PAMR1: variants seen among roughly 807,000 people sequenced by gnomAD.
PAMR1 encodes the protein peptidase domain containing associated with muscle regeneration 1.
In PAMR1, 88 loss-of-function variants were observed where a neutral mutation model predicts 81.8. The ratio of observed to expected loss-of-function variants is 1.08; its 90% CI spans 0.91 to 1.28. PAMR1 has a LOEUF of 1.28. Ranked by LOEUF, PAMR1 falls within the 50% of genes most tolerant of loss-of-function variation. PAMR1 has a pLI of 0.00. For missense variants in PAMR1, 935 were observed against 919.7 expected, an observed-to-expected ratio of 1.02 and a Z score of -0.21; for synonymous variants, 336 against 345.3, an observed-to-expected ratio of 0.97 and a Z score of 0.30.
intron 4 of PAMR1, 66 bp from the exon 5 acceptor site, chr11:35,470,884 CATTCA>C: frequency 9.3e-7 from 1 of 1,080,108 alleles, no homozygotes; most frequent in Non-Finnish European, 1.4e-6. Context: ...CCGCTGGGCT[CATTCA>C]AGGCCAGATG....
chr11:35,450,567 A>G (rs1856394734), intron 6 of PAMR1, among the ~76,000 whole-genome samples: 1 of 152,202 alleles, frequency 6.6e-6, no homozygotes, highest in Non-Finnish European at 1.5e-5. Flanking sequence ...TGCTTCACTG[A>G]TGGTGGTAGC....
chr11:35,445,952 C>T (rs1394922916), intron 6 of PAMR1, among the ~76,000 whole-genome samples: 1 of 152,144 alleles, frequency 6.6e-6, no homozygotes, highest in East Asian at 1.9e-4. Context: ...GCCATAAATC[C>T]ATCTGGTCCT....
At chr11:35,487,634 C>T (rs564243048) in intron 3 of PAMR1, among the ~76,000 whole-genome samples, 1 of 152,322 alleles carries the variant, frequency 6.6e-6, no homozygotes, top group African/African-American at 2.4e-5. Flanking sequence ...CAAGTGGCTG[C>T]CCCAAACCTT....
intron 1 of PAMR1, among the ~76,000 whole-genome samples, chr11:35,506,412 TG>T (rs1850955707): frequency 1.2e-5 from 1 of 85,350 alleles, no homozygotes. Context: ...TGCATGTTAG[TG>T]TTTTTTTTTT....
chr11:35,471,586 T>C (rs975985247), intron 4 of PAMR1, among the ~76,000 whole-genome samples: 1 of 152,030 alleles, frequency 6.6e-6, no homozygotes, highest in Non-Finnish European at 1.5e-5. Context: ...TAGGCAACGA[T>C]AATTCTCACC....
At position 35,495,076 on chromosome 11, in the gene PAMR1, A is replaced by G. The variant is rs1021471081; in HGVS notation, c.74-804T>C. ...ACTGCAGCCCAGGCATGTGGCCATC[A>G]GAAAATTTGGAGACCAGTCTCCACA... On this transcript the variant is annotated intron_variant, in intron 1 of 10. Coordinates refer to ENST00000619888, the MANE Select transcript of PAMR1 (RefSeq NM_001001991.3). Among the ~76,000 whole-genome samples the G allele has an allele frequency of 7.9e-5, 12 of 152,230 alleles. 1 individual carries two copies. Among genetic ancestry groups the G allele is most frequent in the Admixed American group, 2.6e-4 (4 of 15,282 alleles).
At chr11:35,488,064 A>G (rs1216655371) in intron 3 of PAMR1, among the ~76,000 whole-genome samples, 1 of 152,178 alleles carries the variant, frequency 6.6e-6, no homozygotes, top group Non-Finnish European at 1.5e-5. Context: ...TTGATCTCAT[A>G]GGAAGTTCTT....
Position 35,468,023 on chromosome 11 carries a change from A to G in PAMR1, c.798T>C (p.Tyr266=). 6.4e-7 allele frequency: 1 copy of G among 1,560,744 alleles called. No individual in the cohort carries two copies. Among genetic ancestry groups the G allele is most frequent in the South Asian group, 1.2e-5 (1 of 84,860 alleles). Residue 266 remains tyrosine (Y), a synonymous_variant, in exon 6 of 11, where the codon TAT becomes TAC. Coordinates refer to ENST00000619888, the MANE Select transcript of PAMR1 (RefSeq NM_001001991.3). The stretch of plus-strand genomic sequence containing the variant: ...CACGATTTTCACAGCGCTGCCCAGT[A>G]TAGCCTGCCAAGCAGGCACACTTGT... The part of the protein sequence containing the change: ...GSYKCACLAG[Y]TGQRCENLLE...
intron 1 of PAMR1, among the ~76,000 whole-genome samples, chr11:35,518,040 C>T (rs905189409): frequency 2.6e-5 from 4 of 152,156 alleles, no homozygotes; most frequent in African/African-American, 7.2e-5. Context: ...CAATTTGTAT[C>T]TCATTTCCAC....
intron 6 of PAMR1, among the ~76,000 whole-genome samples, chr11:35,441,909 T>C (rs971705015): frequency 1.3e-5 from 2 of 152,212 alleles, no homozygotes; most frequent in African/African-American, 4.8e-5. Context: ...AATCTCATTC[T>C]ATATATAAAT....
intron 1 of PAMR1, among the ~76,000 whole-genome samples, chr11:35,519,708 C>A (rs1043126734): frequency 2.0e-5 from 3 of 152,356 alleles, no homozygotes; most frequent in East Asian, 1.9e-4. Flanking sequence ...TCCACCTCCA[C>A]AGAGGTGAGA....
At chr11:35,454,602 C>T (rs964831030) in intron 6 of PAMR1, among the ~76,000 whole-genome samples, 1 of 152,174 alleles carries the variant, frequency 6.6e-6, no homozygotes, top group African/African-American at 2.4e-5. Context: ...AAAAACTAAC[C>T]TGAGACAACT....
intron 6 of PAMR1, among the ~76,000 whole-genome samples, chr11:35,464,868 C>T (rs967011055): frequency 1.3e-5 from 2 of 152,066 alleles, no homozygotes; most frequent in East Asian, 1.9e-4. Flanking sequence ...CAGACATACA[C>T]GTACATTAGG....
Position 35,494,171 on chromosome 11 carries a change from T to A in PAMR1, c.175A>T (p.Arg59Trp). Residue 59 changes from arginine to tryptophan, a missense_variant, in exon 2 of 11, where the codon AGG (arginine) becomes TGG (tryptophan). Transcript: ENST00000619888. ...DQIECVCPGK[R>W]EVVGYTIPCC... ...GGGATGGTATAACCCACGACTTCCC[T>A]CTTTCCGGGGCAGACGCACTCAATC... 2.5e-6 allele frequency: 4 copies of A among 1,614,074 alleles called. No homozygotes were observed. The highest frequency in any genetic ancestry group is 3.4e-6 in the Non-Finnish European group (4 of 1,179,916).
chr11:35,524,519 C>A (rs1851348449), intron 1 of PAMR1, among the ~76,000 whole-genome samples: 1 of 152,190 alleles, frequency 6.6e-6, no homozygotes, highest in South Asian at 2.1e-4. Flanking sequence ...AGCGGCAGAG[C>A]ACCCAGCTCT....
intron 6 of PAMR1, 49 bp downstream of exon 6, chr11:35,467,952 A>T: frequency 8.5e-7 from 1 of 1,174,368 alleles, no homozygotes; most frequent in Non-Finnish European, 1.2e-6. Context: ...AAATCCTTCC[A>T]TACCAGCCCC....
In PAMR1 at chr11:35,434,685, A is replaced by G. The variant is rs1287646065; in HGVS notation, c.1453T>C (p.Trp485Arg). ...AGGGCACCGCTGCAGACTAGGAACCACGCTCCCTTGTGTAGGCTGCCGTCA... is the reference window on the plus strand; with the variant it reads ...AGGGCACCGCTGCAGACTAGGAACCGCGCTCCCTTGTGTAGGCTGCCGTCA... Reference protein sequence around the residue: ...VHDGSLHKGAWFLVCSGALVN... With the variant: ...VHDGSLHKGARFLVCSGALVN... Residue 485 changes from tryptophan (W) to arginine (R), a missense_variant, in exon 10 of 11, where the codon TGG becomes CGG. By Grantham distance (101) the Trp-to-Arg change is moderately radical (BLOSUM62 -3). Coordinates refer to ENST00000619888, the MANE Select transcript of PAMR1 (RefSeq NM_001001991.3). 32 of 1,613,996 alleles carry G rather than the reference A, an allele frequency of 2.0e-5. No individual in the cohort carries two copies. The Admixed American group carries it at 5.2e-4, about 26-fold the overall frequency.
intron 1 of PAMR1, among the ~76,000 whole-genome samples, chr11:35,511,769 C>G (rs1014214031): frequency 6.6e-6 from 1 of 152,216 alleles, no homozygotes; most frequent in Non-Finnish European, 1.5e-5. Flanking sequence ...CTGTCTGAAT[C>G]TCTGGTATTG....
intron 1 of PAMR1, among the ~76,000 whole-genome samples, chr11:35,522,463 G>A (rs1373675620): frequency 6.6e-6 from 1 of 152,082 alleles, no homozygotes; most frequent in Non-Finnish European, 1.5e-5. Flanking sequence ...TTGTCTTTTT[G>A]TGTCTGGCTT....
Sources: gnomAD v4.1 joint callset for allele counts (sites outside exome capture counted in the v4.1 genomes callset) on GRCh38, gnomAD v4.1.1 for gene constraint, MANE v1.5 for transcripts, NCBI Gene and HGNC (gene_info 2026-07-23, HGNC 2026-07-21) for gene names.